Variants in LIN28B observed in about 807,000 individuals in gnomAD.
The protein encoded by LIN28B is protein lin-28 homolog B.
In LIN28B, 5 loss-of-function variants were observed where a neutral mutation model predicts 21.9. That is an observed-to-expected ratio of 0.23 (90% CI 0.12 to 0.48). The LOEUF (loss-of-function observed/expected upper bound fraction) is 0.48, where lower values mean the gene tolerates loss of function less well. Among genes scored for constraint, LIN28B ranks in the 20% least tolerant of loss-of-function variants. The pLI is 0.98. For missense variants in LIN28B, 245 were observed against 310.5 expected, an observed-to-expected ratio of 0.79 and a Z score of 1.58; for synonymous variants, 109 against 111.3, an observed-to-expected ratio of 0.98 and a Z score of 0.13.
At chr6:105,077,438 T>C (rs953530359) in intron 3 of LIN28B, among the ~76,000 whole-genome samples, 11 of 150,362 alleles carry the variant, frequency 7.3e-5, no homozygotes, top group African/African-American at 2.4e-4. Context: ...TTTGTTACTT[T>C]TAATATAAAA....
At chr6:105,035,034 C>T (rs1208250687) in intron 3 of LIN28B, among the ~76,000 whole-genome samples, 1 of 151,874 alleles carries the variant, frequency 6.6e-6, no homozygotes, top group Non-Finnish European at 1.5e-5. Context: ...CTCTTCCACT[C>T]ATTATCTCAG....
chr6:105,028,493 C>T (rs1771351432), intron 3 of LIN28B, among the ~76,000 whole-genome samples: 1 of 151,982 alleles, frequency 6.6e-6, no homozygotes, highest in Non-Finnish European at 1.5e-5. Flanking sequence ...AAGTGGTGAA[C>T]AAAAATTCTG....
At chr6:105,000,419 A>C (rs1049333642) in intron 2 of LIN28B, among the ~76,000 whole-genome samples, 2 of 152,152 alleles carry the variant, frequency 1.3e-5, no homozygotes, top group African/African-American at 2.4e-5. Context: ...TTCTAAAATG[A>C]ATGGGTAGTA....
intron 2 of LIN28B, among the ~76,000 whole-genome samples, chr6:104,978,592 T>C (rs1348932969): frequency 6.6e-6 from 1 of 151,860 alleles, no homozygotes; most frequent in East Asian, 1.9e-4. Flanking sequence ...TAAAAAAATG[T>C]AGATATGCTA....
chr6:104,997,366 TATG>T (rs1321405502), intron 2 of LIN28B, among the ~76,000 whole-genome samples: 1 of 151,924 alleles, frequency 6.6e-6, no homozygotes, highest in Non-Finnish European at 1.5e-5. Flanking sequence ...ATTTTATTGT[TATG>T]ATATATAAAT....
intron 2 of LIN28B, among the ~76,000 whole-genome samples, chr6:105,007,721 G>C (rs1442693029): frequency 1.3e-5 from 2 of 151,584 alleles, no homozygotes; most frequent in African/African-American, 4.9e-5. Context: ...GTAGAGATGG[G>C]GTCTCACTGT....
intron 2 of LIN28B, among the ~76,000 whole-genome samples, chr6:104,946,023 C>G (rs1169064267): frequency 1.3e-5 from 2 of 151,948 alleles, no homozygotes; most frequent in African/African-American, 4.8e-5. Flanking sequence ...TGTGATTCAG[C>G]AGTGCCAAAA....
chr6:104,978,886 T>G (rs1175218977), intron 2 of LIN28B, among the ~76,000 whole-genome samples: 1 of 152,172 alleles, frequency 6.6e-6, no homozygotes, highest in African/African-American at 2.4e-5. Flanking sequence ...ATAAGGGGCT[T>G]AGACTTTTTA....
intron 3 of LIN28B, among the ~76,000 whole-genome samples, chr6:104,950,981 T>C (rs1490845728): frequency 6.6e-6 from 1 of 152,202 alleles, no homozygotes; most frequent in Non-Finnish European, 1.5e-5. Flanking sequence ...ATTAGACATT[T>C]TGAGGAAATT....
chr6:105,050,328 C>T lies in LIN28B; in HGVS notation c.383+23846C>T, dbSNP rs1231155588. 8.5e-5 allele frequency among the ~76,000 whole-genome samples: 13 copies of T among 152,202 alleles called. No individual in the cohort carries two copies. In the East Asian group the frequency reaches 9.7e-4, roughly 11 times the overall value. The stretch of plus-strand genomic sequence containing the variant: ...TTTCTTTAAGAATGTTGAGGCTGGG[C>T]GCGGTGGCTCACGCCTGTAATCCCA... On this transcript the variant is annotated intron_variant, in intron 3 of 3. Transcript: ENST00000345080.
In LIN28B at chr6:105,078,876, C is replaced by A; in HGVS notation, c.*93C>A. Reference sequence around the variant, plus strand: ...CAGTATTTCACAAGCAGTAGCTGACCTGGGATTTTAACTACTATTGGGGAA... The same window carrying A: ...CAGTATTTCACAAGCAGTAGCTGACATGGGATTTTAACTACTATTGGGGAA... On this transcript the variant is annotated 3_prime_UTR_variant, in exon 4 of 4. Transcript: ENST00000345080. 7.0e-7 allele frequency: 1 copy of A among 1,433,844 alleles called. No homozygotes were observed. The highest frequency in any genetic ancestry group is 9.4e-7 in the Non-Finnish European group (1 of 1,065,198). The allele number at this position is 1,433,844 out of a possible 1,614,324, so 88.8% of individuals were successfully genotyped here.
At chr6:104,949,720 T>TC (rs1236610386) in intron 2 of LIN28B, among the ~76,000 whole-genome samples, 1 of 152,164 alleles carries the variant, frequency 6.6e-6, no homozygotes, top group Non-Finnish European at 1.5e-5. Context: ...AATTTAGTAG[T>TC]CACCAGGAGT....
At position 104,941,555 on chromosome 6, in the gene LIN28B, G is replaced by T. The variant is rs919633406; in HGVS notation, c.18+4439G>T. Reference sequence around the variant, plus strand: ...GGGTCCTCGCGGCCGGTGCCGGCTCGTCTGGGACGCACGGGGCCGCGCCGC... The same window carrying T: ...GGGTCCTCGCGGCCGGTGCCGGCTCTTCTGGGACGCACGGGGCCGCGCCGC... On this transcript the variant is annotated intron_variant, in intron 2 of 5. Coordinates refer to the LIN28B transcript ENST00000635857. 1.1e-4 allele frequency: 16 copies of T among 149,684 alleles called. No individual in the cohort carries two copies. In the Admixed American group the frequency reaches 1.1e-3, roughly 10 times the overall value. The allele number at this position is 149,684 out of a possible 1,614,324, so 9.3% of individuals were successfully genotyped here.
At chr6:104,983,872 G>C (rs532658521) in intron 2 of LIN28B, among the ~76,000 whole-genome samples, 2 of 152,184 alleles carry the variant, frequency 1.3e-5, no homozygotes, top group South Asian at 4.2e-4. Flanking sequence ...CACCATGCCT[G>C]GTCGATTCTC....
intron 2 of LIN28B, among the ~76,000 whole-genome samples, chr6:104,997,098 G>A (rs57128285): frequency 0.022 from 3,408 of 152,116 alleles, 151 homozygotes; most frequent in African/African-American, 0.079. Context: ...TGGCTAACAC[G>A]GTGAAGCCCC....
At chr6:104,953,962 G>A (rs2114558146), upstream of LIN28B, among the ~76,000 whole-genome samples, 1 of 152,270 alleles carries the variant, frequency 6.6e-6, no homozygotes, top group South Asian at 2.1e-4. Context: ...TCCTTGTACT[G>A]TTGGAAAAAA....
rs998455701 is a variant in LIN28B, at chr6:104,957,193, C to G, written c.-58C>G. The G allele has an allele frequency of 6.2e-7, 1 of 1,613,790 alleles. No individual in the cohort carries two copies. The highest frequency in any genetic ancestry group is 8.5e-7 in the Non-Finnish European group (1 of 1,179,774). The stretch of plus-strand genomic sequence containing the variant: ...GTTAGATTGATGCAGAAGATCACTC[C>G]GTTCCAAAGGGAAAGTTTTCATCTC... On this transcript the variant is annotated 5_prime_UTR_variant, in exon 1 of 4. Transcript: ENST00000345080.
At position 105,071,027 on chromosome 6, in the gene LIN28B, C is replaced by T. The variant is rs71572245; in HGVS notation, c.384-7387C>T. ...GAGTAGCTAAAATTATAGGCACGCA[C>T]TACCATGCCTGGCTAAGTTTTGTGT... On this transcript the variant is annotated intron_variant, in intron 3 of 3. Coordinates refer to ENST00000345080, the MANE Select transcript of LIN28B (RefSeq NM_001004317.4). 7.5e-3 allele frequency among the ~76,000 whole-genome samples: 1,142 copies of T among 152,266 alleles called. 3 individuals carry two copies. Among genetic ancestry groups the T allele is most frequent in the Non-Finnish European group, 0.011 (779 of 68,026 alleles).
At chr6:105,072,151 C>G (rs1051946467) in intron 3 of LIN28B, among the ~76,000 whole-genome samples, 1 of 151,910 alleles carries the variant, frequency 6.6e-6, no homozygotes, top group African/African-American at 2.4e-5. Context: ...TTTAGACTTA[C>G]ATATAATAAA....
Sources: gnomAD v4.1 joint callset for allele counts (sites outside exome capture counted in the v4.1 genomes callset) on GRCh38, gnomAD v4.1.1 for gene constraint, MANE v1.5 for transcripts, NCBI Gene and HGNC (gene_info 2026-07-23, HGNC 2026-07-21) for gene names.